Variants in LDB2 observed in about 807,000 individuals in gnomAD.
The protein encoded by LDB2 is LIM domain-binding protein 2.
Under a neutral mutation model 44.3 loss-of-function variants are expected in LDB2, and 12 were observed. The ratio of observed to expected loss-of-function variants is 0.27; its 90% CI spans 0.17 to 0.44. The LOEUF (loss-of-function observed/expected upper bound fraction) is 0.44, where lower values mean the gene tolerates loss of function less well. Among genes scored for constraint, LDB2 ranks in the 20% least tolerant of loss-of-function variants. The pLI is 1.00. For missense variants in LDB2, 344 were observed against 473.5 expected, an observed-to-expected ratio of 0.73 and a Z score of 2.54; for synonymous variants, 164 against 174.8, an observed-to-expected ratio of 0.94 and a Z score of 0.49.
chr4:16,641,948 C>T (rs983550392), intron 2 of LDB2, among the ~76,000 whole-genome samples: 1 of 151,994 alleles, frequency 6.6e-6, no homozygotes, highest in Non-Finnish European at 1.5e-5. Context: ...CTAAAAGTAA[C>T]TAAAGTGGGG....
At chr4:16,559,469 A>C (rs1741174392) in intron 5 of LDB2, among the ~76,000 whole-genome samples, 1 of 152,216 alleles carries the variant, frequency 6.6e-6, no homozygotes, top group South Asian at 2.1e-4. Context: ...GAGACAAAGA[A>C]GGCCATTATA....
chr4:16,872,158 A>G (rs1453376471), intron 1 of LDB2, among the ~76,000 whole-genome samples: 6 of 151,884 alleles, frequency 4.0e-5, no homozygotes, highest in East Asian at 1.9e-4. Context: ...TAAAGACCCA[A>G]TTGTTAAACA....
chr4:16,811,511 C>T (rs1779863513), intron 1 of LDB2, among the ~76,000 whole-genome samples: 2 of 152,110 alleles, frequency 1.3e-5, no homozygotes, highest in Non-Finnish European at 2.9e-5. Context: ...TGAAATAAAC[C>T]TTTTAGGGAA....
intron 1 of LDB2, among the ~76,000 whole-genome samples, chr4:16,846,090 G>A (rs1786921463): frequency 6.6e-6 from 1 of 150,952 alleles, no homozygotes; most frequent in African/African-American, 2.4e-5. Context: ...CTCCAGCCTG[G>A]GCGACAGAGC....
At chr4:16,789,031 T>C (rs977994861) in intron 1 of LDB2, among the ~76,000 whole-genome samples, 1 of 152,252 alleles carries the variant, frequency 6.6e-6, no homozygotes, top group South Asian at 2.1e-4. Flanking sequence ...AGATTTACTC[T>C]CCTAATTATG....
chr4:16,753,194 C>T (rs1765821139), intron 2 of LDB2, among the ~76,000 whole-genome samples: 1 of 152,150 alleles, frequency 6.6e-6, no homozygotes, highest in South Asian at 2.1e-4. Context: ...TGTCAAAATG[C>T]CTTATGCATA....
At chr4:16,742,074 C>CTTTTTTTTTTT (rs33990510) in intron 2 of LDB2, among the ~76,000 whole-genome samples, 25 of 128,302 alleles carry the variant, frequency 1.9e-4, no homozygotes, top group East Asian at 4.6e-4. Context: ...CTTTTCTTTT[C>CTTTTTTTTTTT]TTTTTTTTTT....
At chr4:16,672,795 A>G (rs1324640688) in intron 2 of LDB2, among the ~76,000 whole-genome samples, 1 of 151,822 alleles carries the variant, frequency 6.6e-6, no homozygotes, top group Non-Finnish European at 1.5e-5. Context: ...CTTCAAGGGA[A>G]GAGAAGAACT....
intron 5 of LDB2, among the ~76,000 whole-genome samples, chr4:16,565,057 G>T (rs991701042): frequency 1.3e-5 from 2 of 152,190 alleles, no homozygotes; most frequent in Admixed American, 6.5e-5. Flanking sequence ...AAAAGGAGTG[G>T]ATTTTTTTTT....
At chr4:16,815,707 T>G (rs182032771) in intron 1 of LDB2, among the ~76,000 whole-genome samples, 10 of 152,312 alleles carry the variant, frequency 6.6e-5, no homozygotes, top group Admixed American at 5.9e-4. Flanking sequence ...TAGATTCCAG[T>G]TCCCCCTCTC....
intron 5 of LDB2, among the ~76,000 whole-genome samples, chr4:16,576,256 T>A (rs112355391): frequency 9.2e-4 from 139 of 151,732 alleles, no homozygotes; most frequent in African/African-American, 3.0e-3. Context: ...ATCAATGAAA[T>A]TAAAATGAAG....
intron 1 of LDB2, among the ~76,000 whole-genome samples, chr4:16,768,798 T>C (rs1327998336): frequency 6.6e-6 from 1 of 152,196 alleles, no homozygotes; most frequent in Non-Finnish European, 1.5e-5. Flanking sequence ...TCTGAACTCA[T>C]TGCACATTAT....
chr4:16,579,027 T>C (rs80144396), intron 5 of LDB2, among the ~76,000 whole-genome samples: 4,064 of 152,266 alleles, frequency 0.027, 70 homozygotes, highest in South Asian at 0.062. Context: ...GTGGGGATGG[T>C]CACCACAGAT....
intron 2 of LDB2, among the ~76,000 whole-genome samples, chr4:16,650,888 G>T (rs902464674): frequency 3.9e-5 from 6 of 151,996 alleles, no homozygotes; most frequent in Admixed American, 3.3e-4. Context: ...TCAAGTCAAG[G>T]GTCTACTTCC....
intron 1 of LDB2, among the ~76,000 whole-genome samples, chr4:16,767,866 T>C (rs1172533094): frequency 6.6e-6 from 1 of 152,224 alleles, no homozygotes; most frequent in Non-Finnish European, 1.5e-5. Flanking sequence ...CCTAATCATA[T>C]ATCAGGATGA....
chr4:16,642,043 A>C (rs1735323731), intron 2 of LDB2, among the ~76,000 whole-genome samples: 1 of 152,208 alleles, frequency 6.6e-6, no homozygotes, highest in African/African-American at 2.4e-5. Context: ...AAAACAGAAA[A>C]AAATTAAGAA....
intron 5 of LDB2, among the ~76,000 whole-genome samples, chr4:16,573,112 G>A (rs1204391232): frequency 6.6e-6 from 1 of 152,190 alleles, no homozygotes. Context: ...ACGTTGCTGC[G>A]GGATCGGCTT....
At chr4:16,850,947 A>AGTGTGTGT (rs71181193) in intron 1 of LDB2, among the ~76,000 whole-genome samples, 17,455 of 142,946 alleles carry the variant, frequency 0.12, 1,119 homozygotes, top group Admixed American at 0.16. Flanking sequence ...TAAAACCATA[A>AGTGTGTGT]GTGTGTGTGT....
rs77897304 is a variant in LDB2, at chr4:16,525,365, C to T, written c.616-13261G>A. On this transcript the variant is annotated intron_variant, in intron 5 of 7. Coordinates refer to ENST00000304523, the MANE Select transcript of LDB2 (RefSeq NM_001290.5). Reference sequence around the variant, plus strand: ...CAACAGCTCTCCAGCTCTGCTCTGACGCAAAGGAAAGGAAAGATTTCTCAA... The same window carrying T: ...CAACAGCTCTCCAGCTCTGCTCTGATGCAAAGGAAAGGAAAGATTTCTCAA... Among the ~76,000 whole-genome samples the T allele has an allele frequency of 1.5e-3, 231 of 152,304 alleles. 1 individual carries two copies. Among genetic ancestry groups the T allele is most frequent in the African/African-American group, 2.6e-3 (107 of 41,578 alleles).
Sources: allele counts gnomAD v4.1 joint callset (sites outside exome capture counted in the v4.1 genomes callset), GRCh38; gene constraint gnomAD v4.1.1; transcripts MANE v1.5; gene names NCBI Gene and HGNC (gene_info 2026-07-23, HGNC 2026-07-21).